Variants in OSBP2 observed in about 807,000 individuals in gnomAD.
OSBP2 encodes oxysterol binding protein 2, also known as oxysterol-binding protein 2.
OSBP2 carries 66 observed loss-of-function variants against 96.0 expected under a neutral mutation model. The observed-to-expected ratio is 0.69, with a 90% CI of 0.56 to 0.84. The LOEUF is 0.84. OSBP2 is among the 40% of genes least tolerant of loss of function. The pLI is 0.00. For synonymous variants in OSBP2, 525 were observed against 520.9 expected (o/e 1.01, Z -0.11); for missense variants, 1,038 against 1,222.7 (o/e 0.85, Z 2.25).
At chr22:30,833,119 G>A (rs563813154) in intron 2 of OSBP2, among the ~76,000 whole-genome samples, 3 of 152,158 alleles carry the variant, frequency 2.0e-5, no homozygotes, top group Non-Finnish European at 4.4e-5. Context: ...ATCCTAGACT[G>A]TCACTGTCAG....
At chr22:30,694,761 G>A, upstream of OSBP2, 1 of 565,608 alleles carries the variant, frequency 1.8e-6, no homozygotes, top group Non-Finnish European at 2.2e-6. Flanking sequence ...GCCGGCGGGC[G>A]CTGACGGGCA....
At chr22:30,843,806 T>A (rs183553694) in intron 2 of OSBP2, among the ~76,000 whole-genome samples, 97 of 151,808 alleles carry the variant, frequency 6.4e-4, no homozygotes, top group African/African-American at 2.2e-3. Flanking sequence ...AGTTGGAGGT[T>A]GCAGTGAGCC....
At chr22:30,693,860 G>A (rs372364316), upstream of OSBP2, 626 of 535,764 alleles carry the variant, frequency 1.2e-3, 3 homozygotes, top group Non-Finnish European at 1.6e-3. Flanking sequence ...AGCTACTAGG[G>A]AGGCCAAGGC....
At chr22:30,758,274 C>T (rs745790182) in intron 2 of OSBP2, among the ~76,000 whole-genome samples, 15 of 151,990 alleles carry the variant, frequency 9.9e-5, no homozygotes, top group African/African-American at 3.1e-4. Context: ...TGGTGGCGCA[C>T]GCTTGTAGTC....
intron 1 of OSBP2, among the ~76,000 whole-genome samples, chr22:30,726,422 C>T (rs136373): frequency 0.88 from 133,593 of 151,986 alleles, 59,015 homozygotes; most frequent in East Asian, 1. Flanking sequence ...TAAGTGGGAG[C>T]TGAACAGTGA....
At position 30,893,256 on chromosome 22, in the gene OSBP2, C is replaced by T. The variant is rs756304223; in HGVS notation, c.1990+14C>T. 20 of 1,613,968 alleles carry T rather than the reference C, an allele frequency of 1.2e-5. No homozygotes were observed. Among genetic ancestry groups the T allele is most frequent in the South Asian group, 6.6e-5 (6 of 91,064 alleles). On this transcript the variant is annotated intron_variant, in intron 9 of 13. Coordinates refer to ENST00000332585, the MANE Select transcript of OSBP2 (RefSeq NM_030758.4). ...TCATGCCGCTAGGTGAGCTGGGGCCCGGTGCCTTCCTGGGACACAGAGACA... is the reference window on the plus strand; with the variant it reads ...TCATGCCGCTAGGTGAGCTGGGGCCTGGTGCCTTCCTGGGACACAGAGACA...
chr22:30,815,564 G>A (rs529321054), intron 2 of OSBP2, among the ~76,000 whole-genome samples: 25 of 152,176 alleles, frequency 1.6e-4, no homozygotes, highest in Non-Finnish European at 3.5e-4. Context: ...AAATTCCCCA[G>A]TAATCTCACT....
chr22:30,749,767 C>T (rs915114498), intron 2 of OSBP2, among the ~76,000 whole-genome samples: 2 of 152,132 alleles, frequency 1.3e-5, no homozygotes, highest in Admixed American at 1.3e-4. Context: ...GCCACCATGC[C>T]TGGCTGATTT....
At chr22:30,793,542 T>A (rs1318716016) in intron 2 of OSBP2, among the ~76,000 whole-genome samples, 1 of 151,898 alleles carries the variant, frequency 6.6e-6, no homozygotes, top group African/African-American at 2.4e-5. Flanking sequence ...TCCCAACACT[T>A]TGGGAGGCCA....
Position 30,870,711 on chromosome 22 carries a change from C to A in OSBP2, c.1107+29C>A, listed in dbSNP as rs372386376. 6.2e-7 allele frequency: 1 copy of A among 1,602,332 alleles called. No individual in the cohort carries two copies. Among genetic ancestry groups the A allele is most frequent in the East Asian group, 2.2e-5 (1 of 44,580 alleles). ...AGTACCCACCCCCACCGCCCTGGCA[C>A]GGGGCTCCCTGGCTCCAGCCCCGGG... On this transcript the variant is annotated intron_variant, in intron 3 of 13. Coordinates refer to ENST00000332585, the MANE Select transcript of OSBP2 (RefSeq NM_030758.4). This position sits in a 1 kb window ranked among gnomAD's most constrained non-coding sequence, Gnocchi z 4.1.
At chr22:30,822,605 G>T (rs971129445) in intron 2 of OSBP2, 17 of 1,525,356 alleles carry the variant, frequency 1.1e-5, no homozygotes, top group Non-Finnish European at 1.8e-6. Context: ...GCGCCCCGCC[G>T]ATTGGAGGCT....
chr22:30,780,886 T>G (rs1222174014), intron 2 of OSBP2, among the ~76,000 whole-genome samples: 1 of 152,168 alleles, frequency 6.6e-6, no homozygotes, highest in Non-Finnish European at 1.5e-5. Context: ...AAACCTCCAG[T>G]GGGGTGACCA....
At chr22:30,884,025 G>A (rs2039758282) in intron 3 of OSBP2, among the ~76,000 whole-genome samples, 1 of 152,154 alleles carries the variant, frequency 6.6e-6, no homozygotes, top group Non-Finnish European at 1.5e-5. Context: ...GCCTGGAGCT[G>A]CGTCTCCCAG....
chr22:30,900,975 G>A (rs1256552764), intron 12 of OSBP2, among the ~76,000 whole-genome samples: 1 of 152,096 alleles, frequency 6.6e-6, no homozygotes, highest in Non-Finnish European at 1.5e-5. Context: ...CTTGGAGAAG[G>A]TAATCATAAT....
At chr22:30,718,756 C>T (rs894085391) in intron 1 of OSBP2, among the ~76,000 whole-genome samples, 2 of 151,924 alleles carry the variant, frequency 1.3e-5, no homozygotes, top group Non-Finnish European at 2.9e-5. Flanking sequence ...CTTTTTTTTC[C>T]CCCTGCCAGT....
intron 2 of OSBP2, among the ~76,000 whole-genome samples, chr22:30,817,096 G>A (rs2066334666): frequency 6.6e-6 from 1 of 152,196 alleles, no homozygotes; most frequent in Admixed American, 6.5e-5. Context: ...TCCCTTGGAA[G>A]TTTTTTAATT....
intron 2 of OSBP2, among the ~76,000 whole-genome samples, chr22:30,857,080 A>G (rs955520372): frequency 2.4e-4 from 37 of 152,162 alleles, no homozygotes; most frequent in African/African-American, 8.4e-4. Context: ...CTTTGCAAAA[A>G]CTGCTTGGAG....
At chr22:30,743,445 C>T (rs139568548) in intron 2 of OSBP2, among the ~76,000 whole-genome samples, 15 of 152,228 alleles carry the variant, frequency 9.9e-5, no homozygotes, top group African/African-American at 2.9e-4. Context: ...CTGAGCTTGA[C>T]GGCGGTCCCC....
upstream of OSBP2, chr22:30,693,786 G>A (rs375120998): frequency 2.7e-6 from 1 of 372,720 alleles, no homozygotes; most frequent in Non-Finnish European, 5.1e-6. Flanking sequence ...GACCAACATG[G>A]TGAAACCCCG....
Sources: allele counts gnomAD v4.1 joint callset (sites outside exome capture counted in the v4.1 genomes callset), GRCh38; gene constraint gnomAD v4.1.1; non-coding constraint Gnocchi (gnomAD v3.1); transcripts MANE v1.5; gene names NCBI Gene and HGNC (gene_info 2026-07-23, HGNC 2026-07-21).